Variants in PPP1R9A observed in about 807,000 individuals in gnomAD.
The protein encoded by PPP1R9A is protein phosphatase 1 regulatory subunit 9A, also known as neurabin-1.
In PPP1R9A, 59 loss-of-function variants were observed where a neutral mutation model predicts 141.9. The observed-to-expected ratio is 0.42, with a 90% CI of 0.34 to 0.52. PPP1R9A has a LOEUF of 0.52. Among genes scored for constraint, PPP1R9A ranks in the 20% least tolerant of loss-of-function variants. PPP1R9A has a pLI of 0.10. For synonymous variants in PPP1R9A, 500 were observed against 569.7 expected (o/e 0.88, Z 1.74); for missense variants, 1,444 against 1,611.9 (o/e 0.90, Z 1.78).
At chr7:95,135,855 T>C in intron 4 of PPP1R9A, among the ~76,000 whole-genome samples, 2 of 41,344 alleles carry the variant, frequency 4.8e-5, no homozygotes, top group South Asian at 5.6e-4. Flanking sequence ...TCAGCTTTAC[T>C]TTTTTTTTTT....
At chr7:95,003,869 A>C (rs779624467) in intron 2 of PPP1R9A, among the ~76,000 whole-genome samples, 2 of 152,226 alleles carry the variant, frequency 1.3e-5, no homozygotes, top group Non-Finnish European at 2.9e-5. Flanking sequence ...ATATGGAATC[A>C]GAAAAGTAAA....
chr7:95,269,234 C>T lies in PPP1R9A; in HGVS notation c.2851C>T (p.His951Tyr). Residue 951 changes from histidine (H) to tyrosine (Y), a missense_variant, in exon 14 of 20, where the codon CAT becomes TAT. Around this residue, in one of 5 missense-constraint regions of PPP1R9A, gnomAD observed 459 missense variants for 513.8 expected, o/e 0.89. Transcript: ENST00000433360. ...ATCAAACAGTTTCTATAACCACATG[C>T]ATATTACCAAATTACTTCCACCTAA... Reference protein sequence around the residue: ...KPSNSFYNHMHITKLLPPKGL... With the variant: ...KPSNSFYNHMYITKLLPPKGL... 6.4e-7 allele frequency: 1 copy of T among 1,551,182 alleles called. No homozygotes were observed. Among genetic ancestry groups the T allele is most frequent in the Non-Finnish European group, 8.8e-7 (1 of 1,136,906 alleles).
chr7:95,287,736 A>G (rs2115950914), intron 18 of PPP1R9A, among the ~76,000 whole-genome samples: 1 of 152,212 alleles, frequency 6.6e-6, no homozygotes, highest in South Asian at 2.1e-4. Flanking sequence ...CCCAGGCTGG[A>G]GTGCAGTGGC....
chr7:95,146,343 G>A (rs1237665553), intron 4 of PPP1R9A, among the ~76,000 whole-genome samples: 2 of 151,992 alleles, frequency 1.3e-5, no homozygotes, highest in Non-Finnish European at 2.9e-5. Flanking sequence ...TTTTTGATGG[G>A]GTTGTTTGTT....
chr7:95,009,118 A>T (rs1270701847), intron 2 of PPP1R9A, among the ~76,000 whole-genome samples: 1 of 152,012 alleles, frequency 6.6e-6, no homozygotes, highest in African/African-American at 2.4e-5. Flanking sequence ...ACTTGGACAC[A>T]GGAAGGGGAA....
At chr7:95,069,390 C>T (rs1258700329) in intron 2 of PPP1R9A, among the ~76,000 whole-genome samples, 1 of 151,850 alleles carries the variant, frequency 6.6e-6, no homozygotes, top group Non-Finnish European at 1.5e-5. Flanking sequence ...AGTAGGGCTA[C>T]ACTTTAGATA....
intron 2 of PPP1R9A, among the ~76,000 whole-genome samples, chr7:95,064,935 C>T (rs932445497): frequency 5.3e-5 from 8 of 152,126 alleles, no homozygotes; most frequent in Non-Finnish European, 4.4e-5. Flanking sequence ...TATAGTACTT[C>T]AGGTACATAA....
intron 4 of PPP1R9A, among the ~76,000 whole-genome samples, chr7:95,128,558 G>A (rs1002104968): frequency 1.3e-5 from 2 of 151,760 alleles, no homozygotes; most frequent in African/African-American, 4.8e-5. Context: ...TTTCTGTTTT[G>A]TTTTCTGTTC....
intron 2 of PPP1R9A, among the ~76,000 whole-genome samples, chr7:95,043,747 C>T (rs924479993): frequency 3.3e-5 from 5 of 152,184 alleles, no homozygotes; most frequent in Non-Finnish European, 5.9e-5. Context: ...GCCTGTGCCA[C>T]CGGGCCCAGA....
At chr7:95,280,177 G>T (rs904451049) in intron 16 of PPP1R9A, among the ~76,000 whole-genome samples, 9 of 152,164 alleles carry the variant, frequency 5.9e-5, no homozygotes, top group Admixed American at 5.2e-4. Context: ...AAACTCCTTG[G>T]TGGATGTTAG....
chr7:94,962,914 T>C (rs1322971469), intron 2 of PPP1R9A, among the ~76,000 whole-genome samples: 1 of 152,134 alleles, frequency 6.6e-6, no homozygotes, highest in Non-Finnish European at 1.5e-5. Flanking sequence ...AATAACAGGA[T>C]AATTCACAGT....
intron 5 of PPP1R9A, 141 bp from the exon 6 acceptor site, chr7:95,198,208 A>G (rs1256628004): frequency 1.5e-5 from 11 of 712,974 alleles, no homozygotes; most frequent in East Asian, 9.6e-5. Flanking sequence ...TTCTCACCCA[A>G]GAAAACCATT....
chr7:94,944,551 C>T (rs926379821), intron 2 of PPP1R9A, among the ~76,000 whole-genome samples: 1 of 148,682 alleles, frequency 6.7e-6, no homozygotes, highest in East Asian at 2.0e-4. Context: ...GAAGAGGGCA[C>T]CTCGTTTCTT....
chr7:95,004,393 T>C (rs1803330829), intron 2 of PPP1R9A, among the ~76,000 whole-genome samples: 1 of 152,156 alleles, frequency 6.6e-6, no homozygotes, highest in African/African-American at 2.4e-5. Context: ...ATTTGGCCTC[T>C]TTTAAGTCTG....
intron 2 of PPP1R9A, among the ~76,000 whole-genome samples, chr7:95,029,135 C>T (rs1308259929): frequency 6.6e-6 from 1 of 152,158 alleles, no homozygotes; most frequent in Non-Finnish European, 1.5e-5. Flanking sequence ...TAAATGTTAA[C>T]ATACAGAGGC....
intron 2 of PPP1R9A, chr7:95,109,049 G>A (rs1241493336): frequency 6.6e-6 from 1 of 152,118 alleles, no homozygotes; most frequent in African/African-American, 2.4e-5. Flanking sequence ...CTGTTATTTT[G>A]TGTGTAAAGC....
rs746414804 is a variant in PPP1R9A at position 95,120,714 on chromosome 7, G to A, written c.1531G>A (p.Glu511Lys). The A allele has an allele frequency of 1.5e-5, 24 of 1,609,806 alleles. No homozygotes were observed. In the South Asian group the frequency reaches 2.6e-4, roughly 17 times the overall value. The change falls in exon 4 of 20, where the codon GAG becomes AAG. Residue 511 changes from glutamate (E) to lysine (K), a missense_variant and splice_region_variant. Around this residue, in one of 5 missense-constraint regions of PPP1R9A, gnomAD observed 488 missense variants for 542.0 expected, o/e 0.90. Transcript: ENST00000433360. ...CCCCCTTTTTTTCTTTTTAATAGAT[G>A]AGGATGGTCTTGGTATAAGTATTAT... ...ELFPVELEKD[E>K]DGLGISIIGM...
chr7:95,205,154 G>A (rs1275787887), intron 7 of PPP1R9A, among the ~76,000 whole-genome samples: 5 of 152,068 alleles, frequency 3.3e-5, no homozygotes, highest in African/African-American at 1.2e-4. Context: ...ATGGGTAAAG[G>A]GGAGATACAG....
chr7:94,958,328 T>C (rs1050847716), intron 2 of PPP1R9A, among the ~76,000 whole-genome samples: 3 of 152,006 alleles, frequency 2.0e-5, no homozygotes, highest in African/African-American at 7.2e-5. Flanking sequence ...GAGTGTAACT[T>C]ATCATTACTT....
Sources: gnomAD v4.1 joint callset for allele counts (sites outside exome capture counted in the v4.1 genomes callset) on GRCh38, gnomAD v4.1.1 for gene constraint, gnomAD v4.1.1 regional missense constraint, MANE v1.5 for transcripts, NCBI Gene and HGNC (gene_info 2026-07-23, HGNC 2026-07-21) for gene names.